Variants in SIM1 observed in about 807,000 individuals in gnomAD.
SIM1 encodes the protein SIM bHLH transcription factor 1.
A neutral mutation model predicts 78.2 loss-of-function variants in SIM1; 18 were observed. The observed-to-expected ratio is 0.23, with a 90% CI of 0.16 to 0.34. The LOEUF is 0.34. SIM1 is among the 10% of genes least tolerant of loss of function. SIM1 has a pLI of 1.00. For synonymous variants in SIM1, 417 were observed against 385.2 expected, an observed-to-expected ratio of 1.08 and a Z score of -0.97; for missense variants, 939 against 975.1, an observed-to-expected ratio of 0.96 and a Z score of 0.49.
At chr6:100,444,352 T>C (rs1772299042) in intron 9 of SIM1, among the ~76,000 whole-genome samples, 1 of 152,174 alleles carries the variant, frequency 6.6e-6, no homozygotes, top group African/African-American at 2.4e-5. Context: ...TTTCAAAGCC[T>C]GAGGATACTC....
chr6:100,449,573 G>A lies in SIM1; in HGVS notation c.457+18C>T. ...GACTGCGATGGGCCTGAGCGTCGCA[G>A]GCATGTGTCTACCTTACCCTGCACG... On this transcript the variant is annotated intron_variant, in intron 5 of 11. Transcript: ENST00000369208. 1 of 1,607,022 alleles carries A rather than the reference G, an allele frequency of 6.2e-7. No homozygotes were observed. The highest frequency in any genetic ancestry group is 8.5e-7 in the Non-Finnish European group (1 of 1,173,516).
intron 8 of SIM1, among the ~76,000 whole-genome samples, chr6:100,447,894 C>A (rs893095829): frequency 2.6e-5 from 4 of 152,242 alleles, no homozygotes; most frequent in African/African-American, 9.6e-5. Context: ...GAGTAATATA[C>A]CTTCGCCGGG....
At chr6:100,394,022 T>C (rs1422536345) in intron 10 of SIM1, 133 bp from the exon 11 acceptor site, 4 of 859,038 alleles carry the variant, frequency 4.7e-6, no homozygotes, top group Non-Finnish European at 6.8e-6. Context: ...GTCGTCAAAA[T>C]AACCGTTGCT....
intron 9 of SIM1, among the ~76,000 whole-genome samples, chr6:100,433,787 T>C (rs1457934732): frequency 2.1e-5 from 3 of 139,654 alleles, no homozygotes; most frequent in African/African-American, 5.3e-5. Context: ...ATTTTTTACA[T>C]ATACATATAT....
At chr6:100,428,931 T>G (rs1466075094) in intron 9 of SIM1, among the ~76,000 whole-genome samples, 2 of 152,192 alleles carry the variant, frequency 1.3e-5, no homozygotes, top group South Asian at 2.1e-4. Flanking sequence ...AATATCTGAT[T>G]GTATTGCACT....
chr6:100,407,947 T>A (rs1771092164), intron 10 of SIM1, among the ~76,000 whole-genome samples: 1 of 152,128 alleles, frequency 6.6e-6, no homozygotes, highest in Non-Finnish European at 1.5e-5. Flanking sequence ...ATTTTCATTA[T>A]ATTGTTTATT....
At chr6:100,407,140 T>C (rs931079913) in intron 10 of SIM1, among the ~76,000 whole-genome samples, 9 of 152,228 alleles carry the variant, frequency 5.9e-5, no homozygotes, top group African/African-American at 2.2e-4. Context: ...AGAATTTCCT[T>C]CTTTTGTGGC....
Position 100,448,128 on chromosome 6 carries a change from G to A in SIM1, c.850+18C>T. On this transcript the variant is annotated intron_variant, in intron 8 of 11. Coordinates refer to ENST00000369208, the MANE Select transcript of SIM1 (RefSeq NM_005068.3). The stretch of plus-strand genomic sequence containing the variant: ...ATGCGCCAAGGTTGCTAGGGTACGG[G>A]GCAGGGTGGCGCCTTACGCAAATGG... The A allele has an allele frequency of 1.3e-6, 2 of 1,598,390 alleles. No individual in the cohort carries two copies. Among genetic ancestry groups the A allele is most frequent in the East Asian group, 2.2e-5 (1 of 44,600 alleles).
intron 2 of SIM1, chr6:100,463,003 T>C (rs1233608260): frequency 9.3e-6 from 3 of 322,934 alleles, no homozygotes; most frequent in Admixed American, 4.4e-5. Flanking sequence ...GTACTTTCAA[T>C]TGAGCCTAGT....
Position 100,393,489 on chromosome 6 carries a change from T to C in SIM1, c.1568A>G (p.His523Arg), listed in dbSNP as rs764463936. ...MPHIASVHRI[H>R]GRGHWDEDSV... The stretch of plus-strand genomic sequence containing the variant: ...GGAACCCTTTCACCTGCTCTTACCA[T>C]GGATCCTGTGGACTGAAGCGATGTG... The change falls in exon 11 of 12, where the codon CAT (histidine) becomes CGT (arginine). Residue 523 changes from histidine (H) to arginine (R), a missense_variant and splice_region_variant. Around this residue, in one of 5 missense-constraint regions of SIM1, gnomAD observed 556 missense variants for 521.9 expected, o/e 1.07. Coordinates refer to ENST00000369208, the MANE Select transcript of SIM1 (RefSeq NM_005068.3). 2 of 1,524,556 alleles carry C rather than the reference T, an allele frequency of 1.3e-6. No homozygotes were observed. Among genetic ancestry groups the C allele is most frequent in the South Asian group, 2.6e-5 (2 of 77,574 alleles). The allele number at this position is 1,524,556 out of a possible 1,614,324, so 94.4% of individuals were successfully genotyped here.
chr6:100,408,049 A>G, intron 10 of SIM1, among the ~76,000 whole-genome samples: 1 of 152,046 alleles, frequency 6.6e-6, no homozygotes, highest in East Asian at 1.9e-4. Context: ...CTGAAACATC[A>G]TTATCAAGAC....
At chr6:100,402,769 G>A (rs1770956966) in intron 10 of SIM1, among the ~76,000 whole-genome samples, 1 of 151,828 alleles carries the variant, frequency 6.6e-6, no homozygotes, top group Admixed American at 6.6e-5. Flanking sequence ...AGTAGAGACG[G>A]GGTTTCCCGT....
At chr6:100,461,841 C>CTTTTTTTTTTTTTTTTTTTTTTT in intron 2 of SIM1, among the ~76,000 whole-genome samples, 1 of 113,348 alleles carries the variant, frequency 8.8e-6, no homozygotes, top group Non-Finnish European at 1.8e-5. Context: ...TTCTTTCTTT[C>CTTTTTTTTTTTTTTTTTTTTTTT]TTTTTTTTTT....
rs146866401 is a variant in SIM1, at chr6:100,390,668, C to T, written c.1994G>A (p.Arg665His). The T allele has an allele frequency of 1.7e-3, 2,734 of 1,614,098 alleles. 60 individuals are homozygous for T. The Admixed American group carries it at 0.038, about 22-fold the overall frequency. Residue 665 changes from arginine (R) to histidine (H), a missense_variant, in exon 12 of 12, where the codon CGC becomes CAC. Physicochemically the swap from Arg to His is conservative, Grantham distance 29 (BLOSUM62 0). Around this residue, in one of 5 missense-constraint regions of SIM1, gnomAD observed 556 missense variants for 521.9 expected, o/e 1.07. Transcript: ENST00000369208. ...LSRISSPNSD[R>H]ISKSSLILAK... ...TAGGATCAAACTGGATTTTGAAATGCGATCCGAATTGGGACTACTTATCCG... is the reference window on the plus strand; with the variant it reads ...TAGGATCAAACTGGATTTTGAAATGTGATCCGAATTGGGACTACTTATCCG...
At chr6:100,459,904 AGTC>A (rs1186360370) in intron 2 of SIM1, among the ~76,000 whole-genome samples, 1 of 152,226 alleles carries the variant, frequency 6.6e-6, no homozygotes, top group Non-Finnish European at 1.5e-5. Flanking sequence ...ACACAAATAA[AGTC>A]ATGCTATTTT....
intron 10 of SIM1, among the ~76,000 whole-genome samples, chr6:100,401,657 C>T (rs181781779): frequency 1.4e-4 from 22 of 152,076 alleles, no homozygotes; most frequent in Admixed American, 9.2e-4. Context: ...CACTGGTGAA[C>T]CTAGTGTACA....
chr6:100,408,334 G>T lies in SIM1; in HGVS notation c.1167+12456C>A, dbSNP rs574074708. On this transcript the variant is annotated intron_variant, in intron 10 of 11. Transcript: ENST00000369208. The stretch of plus-strand genomic sequence containing the variant: ...CTGTTTTAAAGCTGGTACTGTTATT[G>T]TATGGATTATTATAGCTTTGTATAA... 3.9e-5 allele frequency among the ~76,000 whole-genome samples: 6 copies of T among 152,048 alleles called. No homozygotes were observed. The East Asian group carries it at 1.2e-3, about 29-fold the overall frequency.
In SIM1 at chr6:100,454,774, T is replaced by G. The variant is rs1772603381; in HGVS notation, c.176-930A>C. Among the ~76,000 whole-genome samples the G allele has an allele frequency of 2.6e-5, 4 of 152,234 alleles. No individual in the cohort carries two copies. The South Asian group carries it at 8.3e-4, about 32-fold the overall frequency. ...AACGCTCCGGACTCTTGTGGCCGAG[T>G]TTTAAAAATTTAATATGGAGTCGGC... On this transcript the variant is annotated intron_variant, in intron 2 of 11. Transcript: ENST00000369208.
At chr6:100,394,148 G>T (rs1180936678) in intron 10 of SIM1, 1 of 368,194 alleles carries the variant, frequency 2.7e-6, no homozygotes. Flanking sequence ...GGCAACCATC[G>T]ACTGAAGTAC....
Sources: allele counts gnomAD v4.1 joint callset (sites outside exome capture counted in the v4.1 genomes callset), GRCh38; gene constraint gnomAD v4.1.1; regional missense constraint gnomAD v4.1.1; transcripts MANE v1.5; gene names NCBI Gene and HGNC (gene_info 2026-07-23, HGNC 2026-07-21).